CCDC183: variants seen among roughly 807,000 people sequenced by gnomAD.
The protein encoded by CCDC183 is coiled-coil domain-containing protein 183.
In CCDC183, 63 loss-of-function variants were observed where a neutral mutation model predicts 65.2. That is an observed-to-expected ratio of 0.97 (90% CI 0.79 to 1.19). The LOEUF (loss-of-function observed/expected upper bound fraction) is 1.19. Ranked by LOEUF, CCDC183 falls within the 50% of genes most tolerant of loss-of-function variation. The pLI, the probability that CCDC183 is intolerant of heterozygous loss-of-function variation, is 0.00. For missense variants in CCDC183, 769 were observed against 689.3 expected, an observed-to-expected ratio of 1.12 and a Z score of -1.30; for synonymous variants, 323 against 276.5, an observed-to-expected ratio of 1.17 and a Z score of -1.67.
chr9:136,800,295 A>G (rs1479728492), intron 4 of CCDC183, 94 bp from the exon 5 acceptor site: 7 of 1,453,940 alleles, frequency 4.8e-6, no homozygotes, highest in Non-Finnish European at 6.5e-6. Flanking sequence ...GGCGGGGCTA[A>G]GAGAGCACGA....
intron 1 of CCDC183, among the ~76,000 whole-genome samples, chr9:136,798,135 AG>A (rs1338664027): frequency 4.0e-5 from 6 of 151,382 alleles, no homozygotes; most frequent in Admixed American, 1.3e-4. Context: ...CCTCCCGAGT[AG>A]CTGGGATTAC....
At position 136,800,104 on chromosome 9, in the gene CCDC183, C is replaced by T; in HGVS notation, c.373C>T (p.Gln125Ter). 2 of 1,557,150 alleles carry T rather than the reference C, an allele frequency of 1.3e-6. No individual in the cohort carries two copies. Among genetic ancestry groups the T allele is most frequent in the Non-Finnish European group, 1.7e-6 (2 of 1,153,384 alleles). Residue 125 changes from glutamine (Q) to a stop codon, truncating the protein, a stop_gained, in exon 4 of 14, where the codon CAG becomes TAG. Transcript: ENST00000338005. LOFTEE classifies it high-confidence loss of function. ...GCGCGGGCAGAAGCTGGAGAGCATG[C>T]AGCTGGAGCTGGACAGCCTGCGGAG... Reference protein sequence around the residue: ...RRRGQKLESMQLELDSLRSQP... With the variant: ...RRRGQKLESM
chr9:136,796,581 G>A (rs541652247), intron 1 of CCDC183, 114 bp downstream of exon 1: 4 of 761,622 alleles, frequency 5.3e-6, no homozygotes, highest in South Asian at 3.2e-5. Context: ...AGAAAAGGAA[G>A]ACATAAGAAA....
rs932172118 is a variant in CCDC183 at position 136,806,495 on chromosome 9, C to G, written c.1110-9C>G. The G allele has an allele frequency of 2.8e-5, 45 of 1,613,196 alleles. No homozygotes were observed. Among genetic ancestry groups the G allele is most frequent in the Non-Finnish European group, 3.7e-5 (44 of 1,180,026 alleles). ...CCCCTCACTGCTGTGTCCCTATTGC[C>G]TTCTGCAGCTTCAAGTCCGTTGAGA... On this transcript the variant is annotated splice_polypyrimidine_tract_variant and intron_variant, in intron 10 of 13. Coordinates refer to ENST00000338005, the MANE Select transcript of CCDC183 (RefSeq NM_001039374.5).
At chr9:136,805,188 C>A in intron 8 of CCDC183, 169 bp from the exon 9 acceptor site, 1 of 622,942 alleles carries the variant, frequency 1.6e-6, no homozygotes, top group Non-Finnish European at 2.8e-6. Context: ...CCCTGCAGGG[C>A]TGGGCTGAGG....
chr9:136,804,211 G>A lies in CCDC183; in HGVS notation c.667-291G>A. 1 of 388,940 alleles carries A rather than the reference G, an allele frequency of 2.6e-6. No individual in the cohort carries two copies. The highest frequency in any genetic ancestry group is 4.8e-6 in the Non-Finnish European group (1 of 207,602). The allele number at this position is 388,940 out of a possible 1,614,324, so 24.1% of individuals were successfully genotyped here. On this transcript the variant is annotated intron_variant, in intron 6 of 13. Transcript: ENST00000338005. The surrounding 1 kb of genome is among the most constrained non-coding windows in gnomAD (Gnocchi z 4.1). ...GGATGAATCTGTCTTCAGGCAGGCTGAATGCACTTCCGTGAGTTCTAGGTG... is the reference window on the plus strand; with the variant it reads ...GGATGAATCTGTCTTCAGGCAGGCTAAATGCACTTCCGTGAGTTCTAGGTG...
chr9:136,805,811 G>T (rs1158453750), intron 9 of CCDC183, among the ~76,000 whole-genome samples: 1 of 152,146 alleles, frequency 6.6e-6, no homozygotes, highest in Non-Finnish European at 1.5e-5. Flanking sequence ...TGCCATTAGG[G>T]TCGTGTGCAA....
intron 9 of CCDC183, 86 bp from the exon 10 acceptor site, chr9:136,805,992 G>C: frequency 1.8e-6 from 2 of 1,098,796 alleles, no homozygotes; most frequent in Non-Finnish European, 2.6e-6. Flanking sequence ...GCGTCTAGGA[G>C]GGGCCCAGAA....
rs1366127272 is a variant in CCDC183 at position 136,804,656 on chromosome 9, T to A, written c.792+29T>A. ...AGCCCCAGGCCAGGGCCTGGCTGGC[T>A]GCCCATCCCCATGACAGCTGGGTGG... is the stretch of plus-strand genomic sequence containing the variant. On this transcript the variant is annotated intron_variant, in intron 7 of 13. Coordinates refer to ENST00000338005, the MANE Select transcript of CCDC183 (RefSeq NM_001039374.5). This position sits in a 1 kb window ranked among gnomAD's most constrained non-coding sequence, Gnocchi z 4.1. 1 of 1,613,034 alleles carries A rather than the reference T, an allele frequency of 6.2e-7. No homozygotes were observed. The highest frequency in any genetic ancestry group is 2.2e-5 in the East Asian group (1 of 44,884).
chr9:136,798,876 T>TG (rs1847693583), intron 1 of CCDC183, among the ~76,000 whole-genome samples: 1 of 152,170 alleles, frequency 6.6e-6, no homozygotes, highest in Non-Finnish European at 1.5e-5. Context: ...CCTCCCCACC[T>TG]GTCCACCTCC....
Position 136,802,735 on chromosome 9 carries a change from G to A in CCDC183, c.615G>A (p.Ser205=), listed in dbSNP as rs201115826. The change falls in exon 6 of 14, where the codon TCG becomes TCA. Residue 205 remains serine (S), a synonymous_variant. Transcript: ENST00000338005. The part of the protein sequence containing the change: ...NLVVNYCSEL[S]DMKIMSQDAM... ...TGGTCAACTACTGCTCAGAGCTGTC[G>A]GATATGAAGATCATGTCCCAAGATG... The A allele has an allele frequency of 9.9e-5, 160 of 1,613,494 alleles. No individual in the cohort carries two copies. The highest frequency in any genetic ancestry group is 9.3e-4 in the African/African-American group (70 of 75,064).
rs530106553 is a variant in CCDC183 at position 136,805,375 on chromosome 9, C to T, written c.866C>T (p.Ser289Phe). 2 of 1,613,608 alleles carry T rather than the reference C, an allele frequency of 1.2e-6. No homozygotes were observed. Among genetic ancestry groups the T allele is most frequent in the East Asian group, 2.2e-5 (1 of 44,862 alleles). Residue 289 changes from serine to phenylalanine, a missense_variant, in exon 9 of 14, where the codon TCC (serine) becomes TTC (phenylalanine). Coordinates refer to ENST00000338005, the MANE Select transcript of CCDC183 (RefSeq NM_001039374.5). ...CTGCCAGTGAGGAGAAAAGAGACCT[C>T]CACAGCAGAAATGGAATACCAGTCG... is the stretch of plus-strand genomic sequence containing the variant. ...ETLKLRRKET[S>F]TAEMEYQSGV...
chr9:136,803,906 G>A (rs955467903), intron 6 of CCDC183: 10 of 155,628 alleles, frequency 6.4e-5, no homozygotes, highest in Non-Finnish European at 1.0e-4. Flanking sequence ...GGAGGTGGAG[G>A]AAAGATGTGA....
intron 6 of CCDC183, among the ~76,000 whole-genome samples, chr9:136,803,217 GGGCCCCCC>G (rs1847774196): frequency 1.2e-5 from 1 of 85,228 alleles, no homozygotes; most frequent in Non-Finnish European, 2.5e-5. Flanking sequence ...CCAGGGCTGG[GGGCCCCCC>G]AGGGCCAGCC....
chr9:136,807,271 T>C, intron 13 of CCDC183: 1 of 639,962 alleles, frequency 1.6e-6, no homozygotes, highest in Non-Finnish European at 2.7e-6. Flanking sequence ...CTTGTTAATT[T>C]CTCCGAAAGG....
intron 8 of CCDC183, chr9:136,805,120 TCA>T: frequency 1.7e-6 from 1 of 594,718 alleles, no homozygotes; most frequent in Non-Finnish European, 3.0e-6. Flanking sequence ...CCCACAGTGC[TCA>T]CAGTGCTGCG....
chr9:136,800,328 CCCGACACCCTCCGGGCGG>C, intron 4 of CCDC183, 43 bp from the exon 5 acceptor site: 1 of 1,511,414 alleles, frequency 6.6e-7, no homozygotes, highest in Non-Finnish European at 9.0e-7. Context: ...AAAACCCAGC[CCCGACACCCTCCGGGCGG>C]CCGGTCCCCA....
chr9:136,797,986 A>G (rs1382832662), intron 1 of CCDC183, among the ~76,000 whole-genome samples: 1 of 151,328 alleles, frequency 6.6e-6, no homozygotes, highest in Non-Finnish European at 1.5e-5. Flanking sequence ...ACACTCAGCT[A>G]ATTTTCGTAT....
At position 136,805,408 on chromosome 9, in the gene CCDC183, C is replaced by G. The variant is rs780756372; in HGVS notation, c.899C>G (p.Thr300Ser). The G allele has an allele frequency of 1.4e-5, 22 of 1,613,980 alleles. No homozygotes were observed. The highest frequency in any genetic ancestry group is 1.8e-5 in the Non-Finnish European group (21 of 1,180,010). ...TAEMEYQSGVTAVVEKVKSAV... is the reference protein window; with the variant it reads ...TAEMEYQSGVSAVVEKVKSAV... ...GAAATGGAATACCAGTCGGGCGTGA[C>G]TGCTGTGGTGGAGAAGGTCAAGAGT... The change falls in exon 9 of 14, where the codon ACT becomes AGT. Residue 300 changes from threonine to serine, a missense_variant. By Grantham distance (58) the Thr-to-Ser change is moderately conservative. Coordinates refer to ENST00000338005, the MANE Select transcript of CCDC183 (RefSeq NM_001039374.5).
Sources: gnomAD v4.1 joint callset for allele counts (sites outside exome capture counted in the v4.1 genomes callset) on GRCh38, gnomAD v4.1.1 for gene constraint, Gnocchi (gnomAD v3.1) non-coding constraint, MANE v1.5 for transcripts, NCBI Gene and HGNC (gene_info 2026-07-23, HGNC 2026-07-21) for gene names.